The following WDR20 variants were observed in gnomAD, a reference collection of about 807,000 sequenced individuals.
WDR20 encodes WD repeat-containing protein 20.
Under a neutral mutation model 38.7 loss-of-function variants are expected in WDR20, and 3 were observed. The observed-to-expected ratio is 0.08, with a 90% confidence interval of 0.04 to 0.20. The LOEUF is 0.20. Among genes scored for constraint, WDR20 ranks in the 10% least tolerant of loss-of-function variants. The pLI is 1.00. For missense variants in WDR20, 559 were observed against 727.7 expected, an observed-to-expected ratio of 0.77 and a Z score of 2.67; for synonymous variants, 298 against 285.6, an observed-to-expected ratio of 1.04 and a Z score of -0.44.
chr14:102,214,379 T>G (rs547040434), downstream of WDR20: 80 of 985,450 alleles, frequency 8.1e-5, no homozygotes, highest in African/African-American at 1.4e-3. Flanking sequence ...CTGGCCGAAG[T>G]GAAGTCTGTG....
chr14:102,209,909 G>T lies in WDR20; in HGVS notation c.*29G>T, dbSNP rs778103159. ...TGCACCAGATCTAGAACTTGAATAG[G>T]TAGTGACTTTTTTCTTTTTCGTGGG... is the stretch of plus-strand genomic sequence containing the variant. On this transcript the variant is annotated 3_prime_UTR_variant, in exon 3 of 3. Coordinates refer to ENST00000342702, the MANE Select transcript of WDR20 (RefSeq NM_144574.4). This position sits in a 1 kb window ranked among gnomAD's most constrained non-coding sequence, Gnocchi z 6.0. 2 of 1,556,256 alleles carry T rather than the reference G, an allele frequency of 1.3e-6. No individual in the cohort carries two copies. Among genetic ancestry groups the T allele is most frequent in the Non-Finnish European group, 1.7e-6 (2 of 1,153,898 alleles).
In WDR20 at chr14:102,209,160, C is replaced by T. The variant is rs767018641; in HGVS notation, c.990C>T (p.Ser330=). ...GTGACCCTATGGAGTTTAGTGGCAGCGATGAGGACTTCCAAGACCTTCTTC... is the reference window on the plus strand; with the variant it reads ...GTGACCCTATGGAGTTTAGTGGCAGTGATGAGGACTTCCAAGACCTTCTTC... The part of the protein sequence containing the change: ...EEGDPMEFSG[S]DEDFQDLLHF... The change falls in exon 3 of 3, where the codon AGC becomes AGT. Residue 330 remains serine, a synonymous_variant. Transcript: ENST00000342702. The surrounding 1 kb of genome is among the most constrained non-coding windows in gnomAD (Gnocchi z 6.0). The T allele has an allele frequency of 3.5e-5, 57 of 1,613,402 alleles. No homozygotes were observed. The South Asian group carries it at 3.6e-4, about 10-fold the overall frequency.
At chr14:102,224,766 A>T (rs1013256702), downstream of WDR20, 5 of 455,998 alleles carry the variant, frequency 1.1e-5, no homozygotes, top group Non-Finnish European at 2.2e-5. Context: ...ACTCTGGATC[A>T]CGGGGCCATG....
chr14:102,187,492 G>A (rs1315078697), intron 1 of WDR20, among the ~76,000 whole-genome samples: 2 of 152,002 alleles, frequency 1.3e-5, no homozygotes, highest in Admixed American at 6.6e-5. Flanking sequence ...AGAAGGAATG[G>A]CAGGAAAGGC....
intron 1 of WDR20, among the ~76,000 whole-genome samples, chr14:102,188,337 T>G (rs1472286202): frequency 1.3e-5 from 2 of 152,166 alleles, no homozygotes; most frequent in East Asian, 3.9e-4. Flanking sequence ...GCTTTTTGCC[T>G]TTGGTGGAAT....
chr14:102,170,356 T>C (rs2060568197), intron 1 of WDR20, among the ~76,000 whole-genome samples: 1 of 152,198 alleles, frequency 6.6e-6, no homozygotes, highest in Non-Finnish European at 1.5e-5. Context: ...CTGTGAGGAA[T>C]TGCTGGGTGA....
In WDR20 at chr14:102,186,818, G is replaced by C. The variant is rs188348897; in HGVS notation, c.250-8120G>C. Among the ~76,000 whole-genome samples, 688 of 152,052 alleles carry C rather than the reference G, an allele frequency of 4.5e-3. 6 individuals are homozygous for C. Among genetic ancestry groups the C allele is most frequent in the African/African-American group, 0.015 (637 of 41,450 alleles). On this transcript the variant is annotated intron_variant, in intron 1 of 2. Coordinates refer to ENST00000342702, the MANE Select transcript of WDR20 (RefSeq NM_144574.4). ...TAAAAAAAATTAGCCGGGGTGGTGG[G>C]GGGCGCCTGTAGTCCCAGCTACTCG...
chr14:102,213,819 T>A, downstream of WDR20: 1 of 985,360 alleles, frequency 1.0e-6, no homozygotes, highest in Non-Finnish European at 1.2e-6. Context: ...GAGCTCAAAG[T>A]GTGAGGCGGA....
chr14:102,187,474 T>G (rs924010502), intron 1 of WDR20, among the ~76,000 whole-genome samples: 2 of 151,222 alleles, frequency 1.3e-5, no homozygotes, highest in African/African-American at 4.9e-5. Context: ...GGACTTTTTT[T>G]GGGTGAAAGA....
chr14:102,184,839 C>T lies in WDR20; in HGVS notation c.250-10099C>T, dbSNP rs115870937. 5.1e-3 allele frequency among the ~76,000 whole-genome samples: 783 copies of T among 152,242 alleles called. 5 individuals are homozygous for T. The highest frequency in any genetic ancestry group is 0.018 in the African/African-American group (740 of 41,542). The stretch of plus-strand genomic sequence containing the variant: ...TGTGCCGCCTCTCAAAGCCTTGCTG[C>T]GGCTAAACGCAGCCCCTTGAACGTG... On this transcript the variant is annotated intron_variant, in intron 1 of 2. Coordinates refer to ENST00000342702, the MANE Select transcript of WDR20 (RefSeq NM_144574.4).
At chr14:102,148,085 A>G (rs1566794062) in intron 1 of WDR20, among the ~76,000 whole-genome samples, 1 of 152,194 alleles carries the variant, frequency 6.6e-6, no homozygotes, top group South Asian at 2.1e-4. Context: ...TTAGTATCTC[A>G]GAGAATAATT....
At chr14:102,178,449 T>C (rs1241871087) in intron 1 of WDR20, among the ~76,000 whole-genome samples, 2 of 151,934 alleles carry the variant, frequency 1.3e-5, no homozygotes, top group Admixed American at 6.6e-5. Flanking sequence ...GTGAGTTCCT[T>C]GTAGGAATGG....
rs554764674 is a variant in WDR20 at position 102,222,659 on chromosome 14, G to T, written c.1693-171G>T. ...GGTTCCAATTCTCTAGGAATGGAAC[G>T]CAGTGATCTGGATAGGAATTAAATA... is the stretch of plus-strand genomic sequence containing the variant. On this transcript the variant is annotated intron_variant, in intron 3 of 3. Transcript: ENST00000335263. The surrounding 1 kb of genome is among the most constrained non-coding windows in gnomAD (Gnocchi z 4.4). Among the ~76,000 whole-genome samples the T allele has an allele frequency of 5.9e-5, 9 of 152,206 alleles. No individual in the cohort carries two copies. The highest frequency in any genetic ancestry group is 1.9e-4 in the African/African-American group (8 of 41,450).
Position 102,208,287 on chromosome 14 carries a change from G to A in WDR20, c.433-316G>A, listed in dbSNP as rs2061921709. On this transcript the variant is annotated intron_variant, in intron 2 of 2. Coordinates refer to ENST00000342702, the MANE Select transcript of WDR20 (RefSeq NM_144574.4). The surrounding 1 kb of genome is among the most constrained non-coding windows in gnomAD (Gnocchi z 5.6). ...CTACTGTCAAGGAAGAAAGATCCCAGCAGGGCTGTTCCCTCCGCAGTGAAC... is the reference window on the plus strand; with the variant it reads ...CTACTGTCAAGGAAGAAAGATCCCAACAGGGCTGTTCCCTCCGCAGTGAAC... Among the ~76,000 whole-genome samples, 1 of 152,246 alleles carries A rather than the reference G, an allele frequency of 6.6e-6. No homozygotes were observed. The highest frequency in any genetic ancestry group is 2.1e-4 in the South Asian group (1 of 4,832).
At position 102,156,367 on chromosome 14, in the gene WDR20, G is replaced by A. The variant is rs527378078; in HGVS notation, c.249+16195G>A. Reference sequence around the variant, plus strand: ...GTGTTTTTAGCAGAGATGGGGTTTCGCCGTGTTAGCCAGGATGGTCTCGAT... The same window carrying A: ...GTGTTTTTAGCAGAGATGGGGTTTCACCGTGTTAGCCAGGATGGTCTCGAT... On this transcript the variant is annotated intron_variant, in intron 1 of 2. Transcript: ENST00000342702. Among the ~76,000 whole-genome samples the A allele has an allele frequency of 6.2e-4, 93 of 150,870 alleles. 3 individuals are homozygous for A. The highest frequency in any genetic ancestry group is 2.1e-3 in the African/African-American group (88 of 41,058).
At chr14:102,174,023 A>G (rs1168810961) in intron 1 of WDR20, among the ~76,000 whole-genome samples, 35 of 151,452 alleles carry the variant, frequency 2.3e-4, no homozygotes, top group Non-Finnish European at 3.4e-4. Context: ...CAGCCTGGGC[A>G]ACAGAGTGAG....
rs1018117645 is a variant in WDR20, at chr14:102,222,315, G to A, written c.1693-515G>A. On this transcript the variant is annotated intron_variant, in intron 3 of 3. Coordinates refer to the WDR20 transcript ENST00000335263. The surrounding 1 kb of genome is among the most constrained non-coding windows in gnomAD (Gnocchi z 4.4). ...ACATGTGGACAGCTACAGCCAGGGG[G>A]TGCCACGGTCACACCACCCAACAAA... is the stretch of plus-strand genomic sequence containing the variant. Among the ~76,000 whole-genome samples the A allele has an allele frequency of 1.3e-5, 2 of 152,318 alleles. No individual in the cohort carries two copies. Among genetic ancestry groups the A allele is most frequent in the East Asian group, 1.9e-4 (1 of 5,184 alleles).
chr14:102,158,091 A>G (rs1195841682), intron 1 of WDR20, among the ~76,000 whole-genome samples: 3 of 151,962 alleles, frequency 2.0e-5, no homozygotes, highest in Non-Finnish European at 2.9e-5. Flanking sequence ...GTGAGCAATC[A>G]TTATAACGCC....
chr14:102,186,281 G>A (rs1473484176), intron 1 of WDR20, among the ~76,000 whole-genome samples: 3 of 152,278 alleles, frequency 2.0e-5, no homozygotes, highest in Middle Eastern at 3.4e-3. Context: ...CAAGGGCAGC[G>A]GTGGGACTGT....
Sources: gnomAD v4.1 joint callset for allele counts (sites outside exome capture counted in the v4.1 genomes callset) on GRCh38, gnomAD v4.1.1 for gene constraint, Gnocchi (gnomAD v3.1) non-coding constraint, MANE v1.5 for transcripts, NCBI Gene and HGNC (gene_info 2026-07-23, HGNC 2026-07-21) for gene names.